Variants in ABHD12 observed in about 807,000 individuals in gnomAD.
ABHD12 encodes the protein abhydrolase domain containing 12, lysophospholipase, also known as lysophosphatidylserine lipase ABHD12.
A neutral mutation model predicts 58.3 loss-of-function variants in ABHD12; 43 were observed. The observed-to-expected ratio is 0.74, with a 90% CI of 0.58 to 0.95. ABHD12 has a LOEUF of 0.95. Ranked by LOEUF, ABHD12 falls within the 40% of genes least tolerant of loss-of-function variation. The pLI is 0.00. For missense variants in ABHD12, 539 were observed against 537.2 expected, an observed-to-expected ratio of 1.00 and a Z score of -0.03; for synonymous variants, 219 against 211.2, an observed-to-expected ratio of 1.04 and a Z score of -0.32.
chr20:25,383,517 G>C lies in ABHD12; in HGVS notation c.191+6996C>G, dbSNP rs563731447. 7.2e-5 allele frequency among the ~76,000 whole-genome samples: 11 copies of C among 152,298 alleles called. No individual in the cohort carries two copies. In the East Asian group the frequency reaches 2.1e-3, roughly 29 times the overall value. ...CCCAACAATTCCAGGGCTAATGAAA[G>C]GCCCACAAAATCCCTCATTTGGGCT... is the stretch of plus-strand genomic sequence containing the variant. On this transcript the variant is annotated intron_variant, in intron 1 of 12. Coordinates refer to ENST00000339157, the MANE Select transcript of ABHD12 (RefSeq NM_001042472.3).
chr20:25,334,115 G>A (rs923784600), intron 2 of ABHD12, among the ~76,000 whole-genome samples: 2 of 151,304 alleles, frequency 1.3e-5, no homozygotes, highest in African/African-American at 2.4e-5. Context: ...CAAAGTCTCA[G>A]GATACAAAAT....
In ABHD12 at chr20:25,302,218, C is replaced by T. The variant is rs1186516492; in HGVS notation, c.1157+1G>A. 26 of 1,613,096 alleles carry T rather than the reference C, an allele frequency of 1.6e-5. No individual in the cohort carries two copies. The highest frequency in any genetic ancestry group is 2.2e-5 in the Non-Finnish European group (26 of 1,179,906). ...CCCTGGGTGGGAAGAGAATGTCTCACCTCAGTATCCGTGGCAGCTCAGGGC... is the reference window on the plus strand; with the variant it reads ...CCCTGGGTGGGAAGAGAATGTCTCATCTCAGTATCCGTGGCAGCTCAGGGC... On this transcript the variant is annotated splice_donor_variant, in intron 12 of 12. Coordinates refer to ENST00000339157, the MANE Select transcript of ABHD12 (RefSeq NM_001042472.3). LOFTEE classifies it high-confidence loss of function.
chr20:25,308,414 C>A (rs1489700313), intron 8 of ABHD12, 43 bp downstream of exon 8: 1 of 1,602,786 alleles, frequency 6.2e-7, no homozygotes, highest in Non-Finnish European at 8.5e-7. Context: ...GGGGAGCACC[C>A]TGAATGCTCA....
chr20:25,299,189 G>C (rs2088595784), downstream of ABHD12, among the ~76,000 whole-genome samples: 1 of 152,218 alleles, frequency 6.6e-6, no homozygotes, highest in African/African-American at 2.4e-5. Flanking sequence ...GATTGCTCAG[G>C]AGTTCGAGAC....
chr20:25,315,333 A>AC (rs1328976710), intron 5 of ABHD12, among the ~76,000 whole-genome samples: 1 of 149,404 alleles, frequency 6.7e-6, no homozygotes, highest in Admixed American at 6.6e-5. Flanking sequence ...GTGATGGTAG[A>AC]CCCCCAGGAG....
chr20:25,319,335 G>A (rs1446512395), intron 4 of ABHD12, among the ~76,000 whole-genome samples: 3 of 152,208 alleles, frequency 2.0e-5, no homozygotes, highest in Non-Finnish European at 2.9e-5. Flanking sequence ...GACCCACTCA[G>A]GAAAAGCATC....
intron 3 of ABHD12, among the ~76,000 whole-genome samples, chr20:25,322,115 T>C (rs184157652): frequency 8.5e-4 from 129 of 152,042 alleles, no homozygotes; most frequent in African/African-American, 3.0e-3. Context: ...AAAACGGAAA[T>C]GCTACAGTGA....
chr20:25,312,210 G>A (rs375014824), intron 6 of ABHD12, among the ~76,000 whole-genome samples: 9 of 152,110 alleles, frequency 5.9e-5, no homozygotes, highest in African/African-American at 7.2e-5. Flanking sequence ...CTCTTTCCAC[G>A]GTCTCTCTCT....
chr20:25,316,268 TCTGCCTCAGCCTCC>T (rs1158328386), intron 5 of ABHD12, among the ~76,000 whole-genome samples: 1 of 152,144 alleles, frequency 6.6e-6, no homozygotes, highest in Non-Finnish European at 1.5e-5. Context: ...TAAGCAATTC[TCTGCCTCAGCCTCC>T]TGAGTAGCTG....
At chr20:25,371,303 G>A (rs1313641051) in intron 1 of ABHD12, among the ~76,000 whole-genome samples, 1 of 152,138 alleles carries the variant, frequency 6.6e-6, no homozygotes, top group Non-Finnish European at 1.5e-5. Flanking sequence ...TGGTAGCCCT[G>A]CACTGGATTT....
At chr20:25,368,739 A>C in intron 1 of ABHD12, 2 of 1,109,864 alleles carry the variant, frequency 1.8e-6, no homozygotes, top group Non-Finnish European at 2.7e-6. Flanking sequence ...CTTCGTCAGC[A>C]ATGTTGAAGA....
chr20:25,327,787 C>A (rs1288739610), intron 2 of ABHD12, among the ~76,000 whole-genome samples: 1 of 152,130 alleles, frequency 6.6e-6, no homozygotes, highest in Non-Finnish European at 1.5e-5. Flanking sequence ...CTGACCCTCC[C>A]CAAATTGCTC....
intron 5 of ABHD12, among the ~76,000 whole-genome samples, chr20:25,315,837 G>C (rs2088950982): frequency 1.3e-5 from 2 of 152,256 alleles, no homozygotes; most frequent in South Asian, 4.1e-4. Context: ...CCCCGCCTCT[G>C]TCTGTGCCCC....
rs1568709456 is a variant in ABHD12, at chr20:25,302,285, A to C, written c.1091T>G (p.Phe364Cys). The change falls in exon 12 of 13, where the codon TTT (phenylalanine) becomes TGT (cysteine). Residue 364 changes from phenylalanine to cysteine, a missense_variant. Transcript: ENST00000339157. ...FRDFKVQFVP[F>C]HSDLGYRHKY... is the part of the protein sequence containing the mutation. ...GTGCCTGTAGCCAAGGTCTGAATGA[A>C]AGGGCACAAACTGAACTTTGAAATC... The C allele has an allele frequency of 3.1e-6, 5 of 1,613,894 alleles. No individual in the cohort carries two copies. Among genetic ancestry groups the C allele is most frequent in the Non-Finnish European group, 4.2e-6 (5 of 1,180,008 alleles).
chr20:25,353,269 T>G, intron 1 of ABHD12, among the ~76,000 whole-genome samples: 1 of 151,882 alleles, frequency 6.6e-6, no homozygotes, highest in Non-Finnish European at 1.5e-5. Flanking sequence ...TTTCTGTTTT[T>G]TTTTTTCCTG....
At chr20:25,313,096 C>T (rs1262074894) in intron 6 of ABHD12, among the ~76,000 whole-genome samples, 1 of 152,284 alleles carries the variant, frequency 6.6e-6, no homozygotes, top group Non-Finnish European at 1.5e-5. Flanking sequence ...CCCAACAGCT[C>T]ATTGAGAACG....
At position 25,339,267 on chromosome 20, in the gene ABHD12, T is replaced by G; in HGVS notation, c.276A>C (p.Leu92=). The G allele has an allele frequency of 6.2e-7, 1 of 1,614,082 alleles. No individual in the cohort carries two copies. Among genetic ancestry groups the G allele is most frequent in the Non-Finnish European group, 8.5e-7 (1 of 1,180,018 alleles). ...TCAGTTTGGCCTGTATTCCAGGACATAGTTTGATGAGAAATGGAATGGCAA... is the reference window on the plus strand; with the variant it reads ...TCAGTTTGGCCTGTATTCCAGGACAGAGTTTGATGAGAAATGGAATGGCAA... ...LYIAIPFLIK[L]CPGIQAKLIF... is the part of the protein sequence containing the mutation. The change falls in exon 2 of 13, where the codon CTA becomes CTC. Residue 92 remains leucine (L), a synonymous_variant. Coordinates refer to ENST00000339157, the MANE Select transcript of ABHD12 (RefSeq NM_001042472.3).
intron 1 of ABHD12, among the ~76,000 whole-genome samples, chr20:25,383,903 C>T (rs920105266): frequency 4.2e-5 from 6 of 141,870 alleles, no homozygotes; most frequent in Middle Eastern, 3.8e-3. Context: ...TGCAGTGAGC[C>T]GAGATCACGC....
intron 10 of ABHD12, among the ~76,000 whole-genome samples, chr20:25,306,098 C>G (rs1030245019): frequency 5.3e-5 from 8 of 150,984 alleles, no homozygotes; most frequent in African/African-American, 1.9e-4. Flanking sequence ...ATCCAGGAGG[C>G]AGAGGTTGCA....
Sources: gnomAD v4.1 joint callset for allele counts (sites outside exome capture counted in the v4.1 genomes callset) on GRCh38, gnomAD v4.1.1 for gene constraint, MANE v1.5 for transcripts, NCBI Gene and HGNC (gene_info 2026-07-23, HGNC 2026-07-21) for gene names.